Variants in FBXL7 observed in about 807,000 individuals in gnomAD.
FBXL7 encodes the protein F-box/LRR-repeat protein 7.
In FBXL7, 12 loss-of-function variants were observed where a neutral mutation model predicts 38.3. That is an observed-to-expected ratio of 0.31 (90% CI 0.20 to 0.51). The LOEUF is 0.51. FBXL7 is among the 20% of genes least tolerant of loss of function. The probability of loss-of-function intolerance (pLI) is 0.98; values close to 1 mark genes in which losing one functional copy is unlikely to be tolerated. For missense variants in FBXL7, 567 were observed against 676.4 expected (o/e 0.84, Z 1.79); for synonymous variants, 297 against 300.9 (o/e 0.99, Z 0.13).
chr5:15,900,704 G>A (rs905823413), intron 2 of FBXL7, among the ~76,000 whole-genome samples: 1 of 152,130 alleles, frequency 6.6e-6, no homozygotes, highest in African/African-American at 2.4e-5. Flanking sequence ...AACTAAAAAT[G>A]ATGATTATAA....
chr5:15,651,749 C>T (rs1239533117), intron 2 of FBXL7, among the ~76,000 whole-genome samples: 1 of 152,204 alleles, frequency 6.6e-6, no homozygotes, highest in Non-Finnish European at 1.5e-5. Context: ...CAACTTAAAG[C>T]CACCAGCTAC....
intron 1 of FBXL7, among the ~76,000 whole-genome samples, chr5:15,513,497 G>A (rs1192390266): frequency 6.6e-6 from 1 of 152,168 alleles, no homozygotes; most frequent in African/African-American, 2.4e-5. Context: ...AAAGGACTTG[G>A]AATGGTTGCA....
At chr5:15,847,976 A>G (rs1554026505) in intron 2 of FBXL7, among the ~76,000 whole-genome samples, 1 of 152,210 alleles carries the variant, frequency 6.6e-6, no homozygotes, top group Non-Finnish European at 1.5e-5. Context: ...AACACAGCCC[A>G]GCTAACACTG....
Position 15,936,626 on chromosome 5 carries a change from C to A in FBXL7, c.916C>A (p.Arg306Ser). 6.2e-7 allele frequency: 1 copy of A among 1,609,480 alleles called. No homozygotes were observed. The highest frequency in any genetic ancestry group is 8.5e-7 in the Non-Finnish European group (1 of 1,179,826). ...HCTQLTHLYLRRCVRLTDEGL... is the reference protein window; with the variant it reads ...HCTQLTHLYLSRCVRLTDEGL... ...CACGCAGCTCACCCACCTCTACCTG[C>A]GCCGCTGCGTCCGCCTGACCGACGA... is the stretch of plus-strand genomic sequence containing the variant. The change falls in exon 4 of 4, where the codon CGC (arginine) becomes AGC (serine). Residue 306 changes from arginine to serine, a missense_variant. Physicochemically the swap from Arg to Ser is moderately radical, Grantham distance 110. Transcript: ENST00000504595. This position sits in a 1 kb window ranked among gnomAD's most constrained non-coding sequence, Gnocchi z 6.0.
At chr5:15,562,868 G>C (rs942546171) in intron 1 of FBXL7, among the ~76,000 whole-genome samples, 9 of 152,118 alleles carry the variant, frequency 5.9e-5, no homozygotes, top group Non-Finnish European at 1.3e-4. Context: ...TCCAGGTGGA[G>C]ACACAGATGT....
chr5:15,576,011 T>C lies in FBXL7; in HGVS notation c.38-39972T>C, dbSNP rs188106747. The stretch of plus-strand genomic sequence containing the variant: ...GTGTTTGATTTATATTTGTAAATGG[T>C]AAGTGAGTTTAGTGATTCATTAAAT... On this transcript the variant is annotated intron_variant, in intron 1 of 3. Transcript: ENST00000504595. 1.1e-3 allele frequency among the ~76,000 whole-genome samples: 165 copies of C among 152,082 alleles called. 4 individuals carry two copies. In the East Asian group the frequency reaches 0.025, roughly 23 times the overall value.
At chr5:15,898,683 T>G (rs1159421006) in intron 2 of FBXL7, among the ~76,000 whole-genome samples, 1 of 152,220 alleles carries the variant, frequency 6.6e-6, no homozygotes, top group Non-Finnish European at 1.5e-5. Flanking sequence ...CCTGAAATAG[T>G]TCCCATAGAC....
At chr5:15,697,395 C>T (rs1743375076) in intron 2 of FBXL7, among the ~76,000 whole-genome samples, 1 of 152,120 alleles carries the variant, frequency 6.6e-6, no homozygotes, top group Non-Finnish European at 1.5e-5. Flanking sequence ...TTTGAGGACA[C>T]ATTTTGAAGG....
chr5:15,724,899 G>A (rs1173178532), intron 2 of FBXL7, among the ~76,000 whole-genome samples: 1 of 152,070 alleles, frequency 6.6e-6, no homozygotes, highest in Non-Finnish European at 1.5e-5. Flanking sequence ...GCTCTGTAGC[G>A]ATTACTGTGT....
chr5:15,587,761 A>G (rs1323321946), intron 1 of FBXL7, among the ~76,000 whole-genome samples: 5 of 152,212 alleles, frequency 3.3e-5, no homozygotes, highest in Non-Finnish European at 7.3e-5. Flanking sequence ...TGATGAATGT[A>G]TTTTTATTCA....
At chr5:15,638,206 G>A (rs763991430) in intron 2 of FBXL7, among the ~76,000 whole-genome samples, 52 of 152,238 alleles carry the variant, frequency 3.4e-4, no homozygotes, top group Non-Finnish European at 2.6e-4. Context: ...GCCTGGGAAC[G>A]AGGGGGATCT....
intron 1 of FBXL7, among the ~76,000 whole-genome samples, chr5:15,601,835 C>T (rs905316855): frequency 1.3e-5 from 2 of 152,174 alleles, no homozygotes; most frequent in Non-Finnish European, 2.9e-5. Context: ...GAATGTCCTC[C>T]TCTTCACCCC....
At chr5:15,931,880 C>T (rs1056751851) in intron 3 of FBXL7, among the ~76,000 whole-genome samples, 11 of 152,140 alleles carry the variant, frequency 7.2e-5, no homozygotes, top group Non-Finnish European at 2.9e-5. Context: ...TGAAGCATCC[C>T]CTGAATGTAG....
At chr5:15,721,559 A>G (rs1326505123) in intron 2 of FBXL7, among the ~76,000 whole-genome samples, 1 of 151,800 alleles carries the variant, frequency 6.6e-6, no homozygotes, top group Non-Finnish European at 1.5e-5. Flanking sequence ...CTCTCTCTGC[A>G]TCATCCTCGA....
intron 2 of FBXL7, among the ~76,000 whole-genome samples, chr5:15,873,963 C>CA (rs891559699): frequency 5.3e-5 from 8 of 151,970 alleles, no homozygotes; most frequent in African/African-American, 9.7e-5. Context: ...GAGACACACA[C>CA]AAAAAAAGAA....
At position 15,686,901 on chromosome 5, in the gene FBXL7, C is replaced by A. The variant is rs769295232; in HGVS notation, c.127+70829C>A. On this transcript the variant is annotated intron_variant, in intron 2 of 3. Coordinates refer to ENST00000504595, the MANE Select transcript of FBXL7 (RefSeq NM_012304.5). ...CAAGCATGGTGCAGTGATTGTCAAA[C>A]GCCTGGCCGAGGCTAGTTAGAATTA... Among the ~76,000 whole-genome samples, 4 of 152,166 alleles carry A rather than the reference C, an allele frequency of 2.6e-5. No individual in the cohort carries two copies. In the South Asian group the frequency reaches 8.3e-4, roughly 32 times the overall value.
intron 2 of FBXL7, among the ~76,000 whole-genome samples, chr5:15,791,967 C>T (rs541360930): frequency 2.6e-5 from 4 of 152,190 alleles, no homozygotes; most frequent in East Asian, 1.9e-4. Flanking sequence ...AAGAGTGTCC[C>T]GTGAAAAACA....
rs368712808 is a variant in FBXL7 at position 15,620,406 on chromosome 5, G to GT, written c.127+4340dup. Among the ~76,000 whole-genome samples the GT allele has an allele frequency of 9.4e-3, 1,101 of 116,586 alleles. 14 individuals are homozygous for GT. Among genetic ancestry groups the GT allele is most frequent in the East Asian group, 0.05 (108 of 2,146 alleles). The allele number at this position is 116,586 out of a possible 152,430, so 76.5% of individuals were successfully genotyped here. ...TGCCACCACGCCCAGCTAATTTTTT[G>GT]TTTTTTGTTTTTTTTTTTTTTTAAG... On this transcript the variant is annotated intron_variant, in intron 2 of 3. Transcript: ENST00000504595.
At chr5:15,778,063 CA>C (rs1736902805) in intron 2 of FBXL7, among the ~76,000 whole-genome samples, 2 of 152,042 alleles carry the variant, frequency 1.3e-5, no homozygotes, top group East Asian at 3.9e-4. Context: ...TAAGAGCTAT[CA>C]ACAAATAACT....
Sources: gnomAD v4.1 joint callset for allele counts (sites outside exome capture counted in the v4.1 genomes callset) on GRCh38, gnomAD v4.1.1 for gene constraint, Gnocchi (gnomAD v3.1) non-coding constraint, MANE v1.5 for transcripts, NCBI Gene and HGNC (gene_info 2026-07-23, HGNC 2026-07-21) for gene names.